The following FYTTD1 variants were observed in gnomAD, a reference collection of about 807,000 sequenced individuals.
FYTTD1 encodes forty-two-three domain containing 1.
In FYTTD1, 22 loss-of-function variants were observed where a neutral mutation model predicts 40.9. That is an observed-to-expected ratio of 0.54 (90% CI 0.38 to 0.77). The LOEUF is 0.77. Ranked by LOEUF, FYTTD1 falls within the 30% of genes least tolerant of loss-of-function variation. FYTTD1 has a pLI of 0.00. For synonymous variants in FYTTD1, 140 were observed against 137.9 expected (o/e 1.01, Z -0.10); for missense variants, 351 against 392.2 (o/e 0.90, Z 0.89).
chr3:197,750,000 G>C lies in FYTTD1; in HGVS notation c.29G>C (p.Gly10Ala). Residue 10 changes from glycine to alanine, a missense_variant, in exon 1 of 9, where the codon GGA becomes GCA. Transcript: ENST00000241502. MNRFGTRLVGATATSSPPPK... is the reference protein window; with the variant it reads MNRFGTRLVAATATSSPPPK... ...AACCGGTTTGGTACCCGGTTGGTGG[G>C]AGCCACGGCGACTTCTTCGCCGCCG... The C allele has an allele frequency of 6.3e-7, 1 of 1,583,264 alleles. No homozygotes were observed. Among genetic ancestry groups the C allele is most frequent in the Non-Finnish European group, 8.6e-7 (1 of 1,166,626 alleles).
intron 2 of FYTTD1, among the ~76,000 whole-genome samples, chr3:197,767,012 T>G (rs1397984639): frequency 1.3e-5 from 2 of 152,204 alleles, no homozygotes; most frequent in African/African-American, 4.8e-5. Flanking sequence ...GTTTATTTTC[T>G]TATTTGTACT....
Position 197,769,352 on chromosome 3 carries a change from TG to T in FYTTD1, c.384+769del, listed in dbSNP as rs534745552. The stretch of plus-strand genomic sequence containing the variant: ...CCATCCGCCTCACCCTCCCAAAGTG[TG>T]GGGATTAAAGGCGTAAGCCACGGTG... On this transcript the variant is annotated intron_variant, in intron 3 of 8. Coordinates refer to ENST00000241502, the MANE Select transcript of FYTTD1 (RefSeq NM_032288.7). 2.7e-3 allele frequency among the ~76,000 whole-genome samples: 409 copies of T among 152,172 alleles called. 1 individual carries two copies. The highest frequency in any genetic ancestry group is 9.5e-3 in the African/African-American group (395 of 41,526).
Position 197,749,896 on chromosome 3 carries a change from G to C in FYTTD1, c.-76G>C. 6.6e-6 allele frequency: 6 copies of C among 915,938 alleles called. No homozygotes were observed. The highest frequency in any genetic ancestry group is 9.3e-6 in the Non-Finnish European group (6 of 643,276). 56.7% of individuals were successfully genotyped at this position (915,938 alleles called of 1,614,324 possible). ...GCGCGCTCCCTCGGTGCGGCGGGCT[G>C]CGTGCGCGAGTGGGAGGTGGCAGGC... On this transcript the variant is annotated 5_prime_UTR_variant, in exon 1 of 9. Transcript: ENST00000241502.
chr3:197,780,080 G>A (rs1729987812), intron 8 of FYTTD1, among the ~76,000 whole-genome samples: 2 of 140,118 alleles, frequency 1.4e-5, no homozygotes, highest in South Asian at 4.7e-4. Flanking sequence ...ACCACACCTG[G>A]GGATACAGGC....
Position 197,784,096 on chromosome 3 carries a change from T to A in FYTTD1, c.*2187T>A, listed in dbSNP as rs965321573. 28 of 152,642 alleles carry A rather than the reference T, an allele frequency of 1.8e-4. No homozygotes were observed. Among genetic ancestry groups the A allele is most frequent in the Admixed American group, 8.5e-4 (13 of 15,282 alleles). 9.5% of individuals were successfully genotyped at this position (152,642 alleles called of 1,614,324 possible). A position where few individuals can be genotyped will look rare whatever the true frequency, so the allele number is the denominator to read the frequency against. On this transcript the variant is annotated 3_prime_UTR_variant, in exon 9 of 9. Transcript: ENST00000241502. ...GTTCAGTTCTTAAGTTTCGGTTTTT[T>A]TTAAAAACAGGATGCAACTTAAACT... is the stretch of plus-strand genomic sequence containing the variant.
At chr3:197,750,110 G>A in intron 1 of FYTTD1, 36 bp downstream of exon 1, 1 of 1,465,374 alleles carries the variant, frequency 6.8e-7, no homozygotes, top group East Asian at 2.8e-5. Flanking sequence ...GGAGTGCGGG[G>A]GAGGGCGCGG....
chr3:197,751,732 A>T (rs1418807576), intron 1 of FYTTD1, among the ~76,000 whole-genome samples: 1 of 151,760 alleles, frequency 6.6e-6, no homozygotes, highest in Non-Finnish European at 1.5e-5. Context: ...ACTACCTACC[A>T]GGTCCTGTAC....
intron 1 of FYTTD1, chr3:197,755,818 T>C (rs972611614): frequency 1.3e-6 from 2 of 1,551,102 alleles, no homozygotes; most frequent in Non-Finnish European, 1.7e-6. Context: ...AAATGGAGCC[T>C]TCTGTGATTA....
intron 2 of FYTTD1, among the ~76,000 whole-genome samples, chr3:197,762,283 A>G (rs569485021): frequency 6.9e-6 from 1 of 145,472 alleles, no homozygotes; most frequent in South Asian, 2.1e-4. Context: ...AAATATTTTT[A>G]TTTGTTTTGG....
intron 2 of FYTTD1, among the ~76,000 whole-genome samples, chr3:197,762,399 G>A (rs989358658): frequency 1.3e-5 from 2 of 151,326 alleles, no homozygotes; most frequent in African/African-American, 4.9e-5. Flanking sequence ...GAGCAGCCTG[G>A]CCAATATGGT....
intron 2 of FYTTD1, among the ~76,000 whole-genome samples, chr3:197,766,821 TCTACTATAAAATTGAGGCA>T (rs1472474613): frequency 1.7e-4 from 26 of 152,288 alleles, no homozygotes; most frequent in African/African-American, 5.3e-4. Flanking sequence ...CAGTTCACCT[TCTACTATAAAATTGAGGCA>T]CTACTATAAA....
chr3:197,786,364 C>T lies in FYTTD1; in HGVS notation c.*4455C>T. 1 of 152,172 alleles carries T rather than the reference C, an allele frequency of 6.6e-6. No homozygotes were observed. Among genetic ancestry groups the T allele is most frequent in the Non-Finnish European group, 1.5e-5 (1 of 68,090 alleles). The allele number at this position is 152,172 out of a possible 1,614,324, so 9.4% of individuals were successfully genotyped here. ...TCCTGACTTCAGGTGATCTGCCTGCCTCGGCCTCCCAAAGTGCTGGGATTA... is the reference window on the plus strand; with the variant it reads ...TCCTGACTTCAGGTGATCTGCCTGCTTCGGCCTCCCAAAGTGCTGGGATTA... On this transcript the variant is annotated 3_prime_UTR_variant, in exon 9 of 9. Transcript: ENST00000241502.
chr3:197,771,819 G>T (rs1419182305), intron 4 of FYTTD1, among the ~76,000 whole-genome samples: 1 of 149,050 alleles, frequency 6.7e-6, no homozygotes, highest in Non-Finnish European at 1.5e-5. Context: ...GCCCGATGTG[G>T]TGACCGGTGC....
At position 197,749,913 on chromosome 3, in the gene FYTTD1, G is replaced by A. The variant is rs889218642; in HGVS notation, c.-59G>A. 8.9e-7 allele frequency: 1 copy of A among 1,127,254 alleles called. No homozygotes were observed. Among genetic ancestry groups the A allele is most frequent in the South Asian group, 1.6e-5 (1 of 61,062 alleles). 69.8% of individuals were successfully genotyped at this position (1,127,254 alleles called of 1,614,324 possible). On this transcript the variant is annotated 5_prime_UTR_variant, in exon 1 of 9. It adds an upstream start codon to the 5' untranslated region. Coordinates refer to ENST00000241502, the MANE Select transcript of FYTTD1 (RefSeq NM_032288.7). ...GGCGGGCTGCGTGCGCGAGTGGGAG[G>A]TGGCAGGCCTGCGACTCCGGCCTTG...
rs1294973215 is a variant in FYTTD1, at chr3:197,770,355, A to C, written c.497+111A>C. 2.1e-4 allele frequency: 144 copies of C among 682,766 alleles called. No individual in the cohort carries two copies. In the East Asian group the frequency reaches 3.9e-3, roughly 18 times the overall value. The allele number at this position is 682,766 out of a possible 1,614,324, so 42.3% of individuals were successfully genotyped here. On this transcript the variant is annotated intron_variant, in intron 4 of 8. Transcript: ENST00000241502. ...TTTTTTAGTTATCTGGTCATTTTCA[A>C]GACAGATATTTGGGATGTCTATCTG... is the stretch of plus-strand genomic sequence containing the variant.
intron 1 of FYTTD1, among the ~76,000 whole-genome samples, chr3:197,751,290 A>G (rs982853103): frequency 2.0e-5 from 3 of 152,344 alleles, no homozygotes; most frequent in Admixed American, 2.0e-4. Context: ...GATCAGAAAT[A>G]ATAGGTTTGG....
At chr3:197,755,484 C>A (rs2109036291) in intron 1 of FYTTD1, among the ~76,000 whole-genome samples, 1 of 149,816 alleles carries the variant, frequency 6.7e-6, no homozygotes, top group South Asian at 2.1e-4. Flanking sequence ...CTCGCTCTGT[C>A]ACCCAGGCTG....
chr3:197,762,837 G>A (rs1729429335), intron 2 of FYTTD1, among the ~76,000 whole-genome samples: 2 of 151,874 alleles, frequency 1.3e-5, no homozygotes, highest in Non-Finnish European at 2.9e-5. Flanking sequence ...AGCCGAGATC[G>A]CGGCCACTGC....
rs1322343979 is a variant in FYTTD1, at chr3:197,785,910, T to C, written c.*4001T>C. ...AACTTCCCTTTAGAGAGGGTTCTTT[T>C]TGGATAGATCAATTTGGAACTAGCT... is the stretch of plus-strand genomic sequence containing the variant. On this transcript the variant is annotated 3_prime_UTR_variant, in exon 9 of 9. Coordinates refer to ENST00000241502, the MANE Select transcript of FYTTD1 (RefSeq NM_032288.7). 6.6e-6 allele frequency: 1 copy of C among 151,656 alleles called. No individual in the cohort carries two copies. The highest frequency in any genetic ancestry group is 1.5e-5 in the Non-Finnish European group (1 of 67,930). The allele number at this position is 151,656 out of a possible 1,614,324, so 9.4% of individuals were successfully genotyped here.
Sources: gnomAD v4.1 joint callset for allele counts (sites outside exome capture counted in the v4.1 genomes callset) on GRCh38, gnomAD v4.1.1 for gene constraint, MANE v1.5 for transcripts, NCBI Gene and HGNC (gene_info 2026-07-23, HGNC 2026-07-21) for gene names.